DIP2B: variants seen among roughly 807,000 people sequenced by gnomAD.
The protein encoded by DIP2B is disco-interacting protein 2 homolog B.
Under a neutral mutation model 198.0 loss-of-function variants are expected in DIP2B, and 76 were observed. The ratio of observed to expected loss-of-function variants is 0.38; its 90% CI spans 0.32 to 0.46. The LOEUF is 0.46. DIP2B is among the 20% of genes least tolerant of loss of function. The pLI is 0.99. For synonymous variants in DIP2B, 701 were observed against 739.1 expected, an observed-to-expected ratio of 0.95 and a Z score of 0.84; for missense variants, 1,559 against 1,978.4, an observed-to-expected ratio of 0.79 and a Z score of 4.02.
Position 50,566,837 on chromosome 12 carries a change from T to C in DIP2B, c.101-59139T>C, listed in dbSNP as rs529034545. Among the ~76,000 whole-genome samples, 14 of 152,094 alleles carry C rather than the reference T, an allele frequency of 9.2e-5. No individual in the cohort carries two copies. In the East Asian group the frequency reaches 2.5e-3, roughly 27 times the overall value. ...AATACAAAAAATTAGCCAGGCGTGG[T>C]GGCGGGCGCCTGTAGTCCCAGCTAC... On this transcript the variant is annotated intron_variant, in intron 1 of 37. Transcript: ENST00000301180.
At chr12:50,727,597 A>G in intron 28 of DIP2B, 106 bp from the exon 29 acceptor site, 1 of 971,504 alleles carries the variant, frequency 1.0e-6, no homozygotes, top group East Asian at 2.4e-5. Flanking sequence ...CCTAAGCTTT[A>G]GCAAATCTGC....
intron 23 of DIP2B, among the ~76,000 whole-genome samples, chr12:50,714,937 C>T (rs1249837935): frequency 1.3e-5 from 2 of 151,952 alleles, no homozygotes; most frequent in African/African-American, 4.8e-5. Context: ...CCTGTCTCAA[C>T]AAAAAAGAAA....
chr12:50,597,455 C>T (rs1020789229), intron 1 of DIP2B, among the ~76,000 whole-genome samples: 1 of 152,108 alleles, frequency 6.6e-6, no homozygotes, highest in Non-Finnish European at 1.5e-5. Context: ...TTTGATTATT[C>T]TAAACAGGGA....
intron 1 of DIP2B, among the ~76,000 whole-genome samples, chr12:50,597,760 T>G (rs1042138868): frequency 6.6e-6 from 1 of 152,320 alleles, no homozygotes; most frequent in East Asian, 1.9e-4. Context: ...ACAGAGTGCT[T>G]TAATAGTATT....
chr12:50,610,510 CT>C (rs35602679), intron 1 of DIP2B, among the ~76,000 whole-genome samples: 22 of 148,520 alleles, frequency 1.5e-4, no homozygotes, highest in African/African-American at 3.0e-4. Flanking sequence ...ATGTAAATAT[CT>C]TTTTTTTTTT....
chr12:50,689,021 G>A (rs982893368), intron 12 of DIP2B, among the ~76,000 whole-genome samples: 2 of 152,160 alleles, frequency 1.3e-5, no homozygotes, highest in African/African-American at 4.8e-5. Flanking sequence ...CTGGGTAATA[G>A]GGAGTTATTA....
chr12:50,628,929 A>C (rs1937988946), intron 2 of DIP2B, among the ~76,000 whole-genome samples: 1 of 152,124 alleles, frequency 6.6e-6, no homozygotes. Context: ...CCCAGGCTGG[A>C]GTGCAGTGGT....
At chr12:50,511,341 CTG>C (rs1186312659) in intron 1 of DIP2B, among the ~76,000 whole-genome samples, 4 of 113,076 alleles carry the variant, frequency 3.5e-5, no homozygotes, top group African/African-American at 1.4e-4. Context: ...GTTGCTCAGA[CTG>C]TGCAGTGGCA....
At chr12:50,739,297 GTGT>G (rs1940196530) in intron 35 of DIP2B, 109 bp from the exon 36 acceptor site, 6 of 1,204,272 alleles carry the variant, frequency 5.0e-6, no homozygotes, top group Non-Finnish European at 4.6e-6. Context: ...TGATGCAGTT[GTGT>G]TGTTGTTAAT....
At chr12:50,660,436 T>A in intron 4 of DIP2B, 117 bp downstream of exon 4, 1 of 1,219,768 alleles carries the variant, frequency 8.2e-7, no homozygotes, top group Non-Finnish European at 1.1e-6. Flanking sequence ...ATTAGAGGAA[T>A]GTAAGAGAAC....
chr12:50,737,836 C>A (rs1940165376), intron 35 of DIP2B, among the ~76,000 whole-genome samples: 1 of 152,088 alleles, frequency 6.6e-6, no homozygotes, highest in Non-Finnish European at 1.5e-5. Context: ...GATCCGCCTG[C>A]CTTAGCCTCC....
intron 1 of DIP2B, among the ~76,000 whole-genome samples, chr12:50,570,703 G>A (rs1467671805): frequency 2.0e-5 from 3 of 152,276 alleles, no homozygotes; most frequent in South Asian, 4.1e-4. Flanking sequence ...AGTGAAACTC[G>A]GTCCCCCAAC....
intron 1 of DIP2B, among the ~76,000 whole-genome samples, chr12:50,511,379 C>T (rs1232352225): frequency 6.8e-6 from 1 of 147,348 alleles, no homozygotes; most frequent in Non-Finnish European, 1.5e-5. Context: ...ACAACCCCCG[C>T]CTTCCGGGCT....
rs969968786 is a variant in DIP2B, at chr12:50,704,470, G to A, written c.2406+250G>A. On this transcript the variant is annotated intron_variant, in intron 20 of 37. Coordinates refer to ENST00000301180, the MANE Select transcript of DIP2B (RefSeq NM_173602.3). ...TTTCCCCGCTGAGATCAGAAGACAT[G>A]ATGAGACTTTTTTTATTTTAAGAAC... Among the ~76,000 whole-genome samples, 3 of 152,266 alleles carry A rather than the reference G, an allele frequency of 2.0e-5. No homozygotes were observed. The South Asian group carries it at 6.2e-4, about 32-fold the overall frequency.
At chr12:50,558,196 T>G (rs1958487720) in intron 1 of DIP2B, among the ~76,000 whole-genome samples, 2 of 152,236 alleles carry the variant, frequency 1.3e-5, no homozygotes, top group South Asian at 2.1e-4. Context: ...ACCCCGTTTC[T>G]ACAAAAAATA....
At chr12:50,739,901 T>C (rs558390691) in intron 36 of DIP2B, among the ~76,000 whole-genome samples, 1 of 152,278 alleles carries the variant, frequency 6.6e-6, no homozygotes, top group Non-Finnish European at 1.5e-5. Flanking sequence ...GGGACAAGCA[T>C]TACATCTTAT....
At chr12:50,684,385 T>C (rs966020532) in intron 10 of DIP2B, among the ~76,000 whole-genome samples, 1 of 152,202 alleles carries the variant, frequency 6.6e-6, no homozygotes, top group Non-Finnish European at 1.5e-5. Flanking sequence ...ATGTAACAGA[T>C]TTCCATGTTT....
chr12:50,570,971 C>G (rs1162523806), intron 1 of DIP2B, among the ~76,000 whole-genome samples: 1 of 151,998 alleles, frequency 6.6e-6, no homozygotes, highest in Non-Finnish European at 1.5e-5. Flanking sequence ...TTACTATGAC[C>G]CAGCTGTTGT....
chr12:50,623,384 T>C (rs1333585359), intron 1 of DIP2B, among the ~76,000 whole-genome samples: 1 of 144,290 alleles, frequency 6.9e-6, no homozygotes, highest in Non-Finnish European at 1.5e-5. Flanking sequence ...CTCCAAAATA[T>C]ATGTATCTAC....
Sources: allele counts gnomAD v4.1 joint callset (sites outside exome capture counted in the v4.1 genomes callset), GRCh38; gene constraint gnomAD v4.1.1; transcripts MANE v1.5; gene names NCBI Gene and HGNC (gene_info 2026-07-23, HGNC 2026-07-21).